The following ADGRB3 variants were observed in gnomAD, a reference collection of about 807,000 sequenced individuals.
ADGRB3 encodes brain-specific angiogenesis inhibitor 3.
A neutral mutation model predicts 193.4 loss-of-function variants in ADGRB3; 37 were observed. The observed-to-expected ratio is 0.19, with a 90% CI of 0.15 to 0.25. The LOEUF (loss-of-function observed/expected upper bound fraction) is 0.25, where lower values mean the gene tolerates loss of function less well. Ranked by LOEUF, ADGRB3 falls within the 10% of genes least tolerant of loss-of-function variation. ADGRB3 has a pLI of 1.00. For missense variants in ADGRB3, 1,637 were observed against 1,852.9 expected, an observed-to-expected ratio of 0.88 and a Z score of 2.14; for synonymous variants, 690 against 644.2, an observed-to-expected ratio of 1.07 and a Z score of -1.08.
intron 17 of ADGRB3, among the ~76,000 whole-genome samples, chr6:69,159,406 A>T (rs1045215162): frequency 1.3e-5 from 2 of 152,032 alleles, no homozygotes; most frequent in Non-Finnish European, 2.9e-5. Context: ...AGAATTGATT[A>T]TATTTATTAA....
chr6:68,913,751 C>T (rs918634707), intron 3 of ADGRB3, among the ~76,000 whole-genome samples: 1 of 151,992 alleles, frequency 6.6e-6, no homozygotes, highest in Non-Finnish European at 1.5e-5. Flanking sequence ...CTCCGAACTA[C>T]AGGAGGAAAT....
At chr6:69,349,826 T>G (rs1167873808) in intron 26 of ADGRB3, among the ~76,000 whole-genome samples, 1 of 152,172 alleles carries the variant, frequency 6.6e-6, no homozygotes, top group Non-Finnish European at 1.5e-5. Context: ...ACTGTCTTCT[T>G]AAAAGTGAAG....
At chr6:69,328,811 T>C (rs1175025787) in intron 22 of ADGRB3, among the ~76,000 whole-genome samples, 1 of 152,184 alleles carries the variant, frequency 6.6e-6, no homozygotes, top group Non-Finnish European at 1.5e-5. Context: ...GGCACAGTAC[T>C]GGTTACTACA....
chr6:68,928,843 A>G (rs1482830088), intron 3 of ADGRB3, among the ~76,000 whole-genome samples: 1 of 152,180 alleles, frequency 6.6e-6, no homozygotes, highest in African/African-American at 2.4e-5. Context: ...TAAAATACAA[A>G]TTCAAGAGGA....
intron 17 of ADGRB3, among the ~76,000 whole-genome samples, chr6:69,227,406 A>G (rs1241077078): frequency 6.6e-6 from 1 of 152,200 alleles, no homozygotes; most frequent in African/African-American, 2.4e-5. Flanking sequence ...CAAAGGAGTG[A>G]CATGATTTTT....
chr6:69,159,439 A>G (rs576946685), intron 17 of ADGRB3, among the ~76,000 whole-genome samples: 1 of 152,258 alleles, frequency 6.6e-6, no homozygotes, highest in African/African-American at 2.4e-5. Flanking sequence ...TTTAAAATCA[A>G]TAAAATATCT....
chr6:69,205,933 G>A (rs1024960394), intron 17 of ADGRB3, among the ~76,000 whole-genome samples: 7 of 150,136 alleles, frequency 4.7e-5, no homozygotes, highest in Admixed American at 4.7e-4. Flanking sequence ...CTACAGGCAT[G>A]GATCACCACA....
chr6:68,873,573 T>A (rs1006789877), intron 3 of ADGRB3, among the ~76,000 whole-genome samples: 2 of 152,184 alleles, frequency 1.3e-5, no homozygotes, highest in Non-Finnish European at 2.9e-5. Context: ...AAGATTCTGC[T>A]TATCCTGAGG....
chr6:68,845,233 G>GATC (rs1343605652), intron 3 of ADGRB3, among the ~76,000 whole-genome samples: 1 of 152,034 alleles, frequency 6.6e-6, no homozygotes. Context: ...TAAATATATA[G>GATC]ATCTATTATG....
At chr6:68,738,306 T>C (rs1412981487) in intron 3 of ADGRB3, among the ~76,000 whole-genome samples, 1 of 152,058 alleles carries the variant, frequency 6.6e-6, no homozygotes, top group Non-Finnish European at 1.5e-5. Context: ...TGCAGGCCAG[T>C]ATGAGGACTT....
chr6:68,731,681 A>G (rs929570693), intron 3 of ADGRB3, among the ~76,000 whole-genome samples: 15 of 151,636 alleles, frequency 9.9e-5, no homozygotes, highest in Non-Finnish European at 1.8e-4. Flanking sequence ...TGCCTAAACC[A>G]AAATATTTTT....
intron 3 of ADGRB3, among the ~76,000 whole-genome samples, chr6:68,690,351 A>G (rs111977963): frequency 0.012 from 1,889 of 152,206 alleles, 43 homozygotes; most frequent in African/African-American, 0.041. Flanking sequence ...AGGCATGGAA[A>G]CACAGACTAA....
intron 3 of ADGRB3, among the ~76,000 whole-genome samples, chr6:68,877,272 T>C (rs1175396645): frequency 6.6e-6 from 1 of 152,052 alleles, no homozygotes; most frequent in East Asian, 1.9e-4. Context: ...TATTAGTCTA[T>C]ACCCAACTTT....
At chr6:69,168,500 A>G (rs965225915) in intron 17 of ADGRB3, among the ~76,000 whole-genome samples, 10 of 152,246 alleles carry the variant, frequency 6.6e-5, no homozygotes, top group Admixed American at 2.6e-4. Flanking sequence ...ATATTCTCCA[A>G]TAAACTAATG....
At chr6:69,074,921 ATGTT>A (rs1022011351) in intron 16 of ADGRB3, among the ~76,000 whole-genome samples, 1 of 152,176 alleles carries the variant, frequency 6.6e-6, no homozygotes, top group Non-Finnish European at 1.5e-5. Flanking sequence ...ATAGATAATC[ATGTT>A]TGTTTGTTTA....
chr6:69,334,224 T>C (rs1768793927), intron 24 of ADGRB3, among the ~76,000 whole-genome samples: 1 of 152,024 alleles, frequency 6.6e-6, no homozygotes, highest in Non-Finnish European at 1.5e-5. Flanking sequence ...CCATGTAATA[T>C]TCTTTTCTTC....
chr6:68,836,752 G>A (rs1768053774), intron 3 of ADGRB3, among the ~76,000 whole-genome samples: 1 of 152,124 alleles, frequency 6.6e-6, no homozygotes, highest in African/African-American at 2.4e-5. Context: ...TACTTTAGGA[G>A]GCTGAGGCAG....
At chr6:69,031,237 G>C (rs1389657901) in intron 13 of ADGRB3, among the ~76,000 whole-genome samples, 1 of 150,818 alleles carries the variant, frequency 6.6e-6, no homozygotes, top group Non-Finnish European at 1.5e-5. Context: ...TCAGGAGATC[G>C]AGACCATCCT....
intron 3 of ADGRB3, among the ~76,000 whole-genome samples, chr6:68,795,131 A>G (rs891081647): frequency 6.6e-6 from 1 of 152,106 alleles, no homozygotes; most frequent in Non-Finnish European, 1.5e-5. Context: ...CATAGCATTT[A>G]GGAATCCATG....
Sources: allele counts gnomAD v4.1 joint callset (sites outside exome capture counted in the v4.1 genomes callset), GRCh38; gene constraint gnomAD v4.1.1; transcripts MANE v1.5; gene names NCBI Gene and HGNC (gene_info 2026-07-23, HGNC 2026-07-21).